ADAMTS17: variants seen among roughly 807,000 people sequenced by gnomAD.
The protein encoded by ADAMTS17 is ADAM metallopeptidase with thrombospondin type 1 motif 17.
In ADAMTS17, 113 loss-of-function variants were observed where a neutral mutation model predicts 141.5. That is an observed-to-expected ratio of 0.80 (90% CI 0.69 to 0.93). ADAMTS17 has a LOEUF of 0.93. ADAMTS17 is among the 40% of genes least tolerant of loss of function. The probability of loss-of-function intolerance (pLI) is 0.00; values close to 1 mark genes in which losing one functional copy is unlikely to be tolerated. For missense variants in ADAMTS17, 1,659 were observed against 1,517.9 expected, an observed-to-expected ratio of 1.09 and a Z score of -1.54; for synonymous variants, 768 against 630.6, an observed-to-expected ratio of 1.22 and a Z score of -3.27.
chr15:100,164,499 C>G (rs149132212), intron 8 of ADAMTS17, among the ~76,000 whole-genome samples: 1 of 152,280 alleles, frequency 6.6e-6, no homozygotes, highest in African/African-American at 2.4e-5. Context: ...GAATAGGGGT[C>G]AGGGTCACAT....
In ADAMTS17 at chr15:100,332,045, A is replaced by G. The variant is rs531500257; in HGVS notation, c.451-991T>C. On this transcript the variant is annotated intron_variant, in intron 2 of 21. Coordinates refer to ENST00000268070, the MANE Select transcript of ADAMTS17 (RefSeq NM_139057.4). ...CCTGGAAAGTAAATCAGATCAACTA[A>G]TAAGATCGCCTACAATCTTGCGTCC... 2.0e-4 allele frequency among the ~76,000 whole-genome samples: 30 copies of G among 152,300 alleles called. No homozygotes were observed. The South Asian group carries it at 5.2e-3, about 26-fold the overall frequency.
chr15:100,145,566 G>A (rs1416544347), intron 10 of ADAMTS17, among the ~76,000 whole-genome samples: 1 of 152,172 alleles, frequency 6.6e-6, no homozygotes, highest in East Asian at 1.9e-4. Flanking sequence ...CATTAGTACT[G>A]TTTTTCTGGA....
chr15:100,165,217 C>T (rs1199620286), intron 8 of ADAMTS17, among the ~76,000 whole-genome samples: 1 of 152,218 alleles, frequency 6.6e-6, no homozygotes, highest in Non-Finnish European at 1.5e-5. Context: ...TTGACAAAGA[C>T]AGTCCTTAGG....
At chr15:100,117,331 C>T (rs2141152511) in intron 12 of ADAMTS17, among the ~76,000 whole-genome samples, 1 of 152,308 alleles carries the variant, frequency 6.6e-6, no homozygotes, top group Non-Finnish European at 1.5e-5. Flanking sequence ...ATGGGTAACA[C>T]TGAAAACCCA....
At chr15:100,150,599 A>G (rs971585933) in intron 10 of ADAMTS17, among the ~76,000 whole-genome samples, 2 of 151,962 alleles carry the variant, frequency 1.3e-5, no homozygotes, top group Non-Finnish European at 2.9e-5. Context: ...TCCTCATCCA[A>G]CCGGGATGCA....
intron 7 of ADAMTS17, among the ~76,000 whole-genome samples, chr15:100,231,146 G>A (rs1035427258): frequency 1.3e-5 from 2 of 152,208 alleles, no homozygotes; most frequent in Admixed American, 1.3e-4. Flanking sequence ...TAAGTACTTT[G>A]TATCTAGCAA....
chr15:100,321,098 A>AT, intron 3 of ADAMTS17, among the ~76,000 whole-genome samples: 1 of 103,858 alleles, frequency 9.6e-6, no homozygotes, highest in East Asian at 4.9e-4. Context: ...AACGTGTAAA[A>AT]TCAAGATAAA....
intron 12 of ADAMTS17, chr15:100,129,083 T>C (rs898852103): frequency 3.3e-5 from 5 of 152,252 alleles, no homozygotes; most frequent in African/African-American, 1.2e-4. Context: ...ATGTTGACAG[T>C]CTCAGGACAC....
intron 12 of ADAMTS17, among the ~76,000 whole-genome samples, chr15:100,118,098 A>G (rs1253500730): frequency 1.3e-5 from 2 of 152,224 alleles, no homozygotes; most frequent in African/African-American, 4.8e-5. Context: ...TGTGTCATAA[A>G]GGTCTACTCC....
chr15:100,277,107 G>A lies in ADAMTS17; in HGVS notation c.789+4122C>T, dbSNP rs575688224. Among the ~76,000 whole-genome samples, 326 of 152,184 alleles carry A rather than the reference G, an allele frequency of 2.1e-3. 1 individual carries two copies. The highest frequency in any genetic ancestry group is 7.4e-3 in the African/African-American group (309 of 41,514). On this transcript the variant is annotated intron_variant, in intron 4 of 21. Coordinates refer to ENST00000268070, the MANE Select transcript of ADAMTS17 (RefSeq NM_139057.4). ...GGCCCCGGAAACCCCAAGTATAGAC[G>A]ACAGAAGGGCTCAGAGTCATCGCAC... is the stretch of plus-strand genomic sequence containing the variant.
chr15:100,090,039 A>G (rs1299171348), intron 15 of ADAMTS17, among the ~76,000 whole-genome samples: 1 of 152,088 alleles, frequency 6.6e-6, no homozygotes, highest in Non-Finnish European at 1.5e-5. Flanking sequence ...TTGGAAAAAA[A>G]ATTGTGTTTG....
rs35621657 is a variant in ADAMTS17 at position 100,164,137 on chromosome 15, C to CA, written c.1182-8818dup. 0.018 allele frequency among the ~76,000 whole-genome samples: 2,706 copies of CA among 152,316 alleles called. 153 individuals are homozygous for CA. The East Asian group carries it at 0.19, about 11-fold the overall frequency. ...TTCAGCACACCCTCCTCCACCCCTGCACTCCAGGGACACGTGCATACACAG... is the reference window on the plus strand; with the variant it reads ...TTCAGCACACCCTCCTCCACCCCTGCAACTCCAGGGACACGTGCATACACAG... On this transcript the variant is annotated intron_variant, in intron 8 of 21. Transcript: ENST00000268070.
chr15:100,139,510 A>G (rs904005248), intron 10 of ADAMTS17, among the ~76,000 whole-genome samples: 2 of 152,256 alleles, frequency 1.3e-5, no homozygotes, highest in South Asian at 4.1e-4. Context: ...CCTGCAACAA[A>G]GAATTATTCA....
At chr15:100,286,520 T>A (rs549748599) in intron 3 of ADAMTS17, among the ~76,000 whole-genome samples, 1 of 152,284 alleles carries the variant, frequency 6.6e-6, no homozygotes, top group South Asian at 2.1e-4. Context: ...GGGAAACTCA[T>A]ACCGGCACCT....
At chr15:100,159,954 C>T (rs781074238) in intron 8 of ADAMTS17, among the ~76,000 whole-genome samples, 21 of 152,188 alleles carry the variant, frequency 1.4e-4, no homozygotes, top group South Asian at 1.0e-3. Context: ...CCATGAGCTG[C>T]GTTCTGGGGA....
intron 4 of ADAMTS17, among the ~76,000 whole-genome samples, chr15:100,270,359 G>C (rs2043862909): frequency 6.6e-6 from 1 of 151,780 alleles, no homozygotes; most frequent in Non-Finnish European, 1.5e-5. Flanking sequence ...CCATAGTTCA[G>C]CAGCCTACCT....
intron 4 of ADAMTS17, among the ~76,000 whole-genome samples, chr15:100,279,622 T>C (rs2044216482): frequency 6.6e-6 from 1 of 152,198 alleles, no homozygotes; most frequent in South Asian, 2.1e-4. Flanking sequence ...ATTCCTGACC[T>C]GCTGATAAGC....
chr15:100,298,424 C>T (rs751640624), intron 3 of ADAMTS17, among the ~76,000 whole-genome samples: 4 of 152,098 alleles, frequency 2.6e-5, no homozygotes, highest in African/African-American at 7.2e-5. Flanking sequence ...ACTCTGTGGT[C>T]GACCCTGCGC....
intron 18 of ADAMTS17, among the ~76,000 whole-genome samples, chr15:100,044,709 A>G (rs1015653817): frequency 5.3e-5 from 8 of 152,204 alleles, no homozygotes; most frequent in African/African-American, 1.7e-4. Context: ...CTATATGACT[A>G]GTAATTTTGG....
Sources: gnomAD v4.1 joint callset for allele counts (sites outside exome capture counted in the v4.1 genomes callset) on GRCh38, gnomAD v4.1.1 for gene constraint, MANE v1.5 for transcripts, NCBI Gene and HGNC (gene_info 2026-07-23, HGNC 2026-07-21) for gene names.